Variants in WDR72 observed in about 807,000 individuals in gnomAD.
The protein encoded by WDR72 is WD repeat-containing protein 72.
Under a neutral mutation model 124.2 loss-of-function variants are expected in WDR72, and 120 were observed. The observed-to-expected ratio is 0.97, with a 90% CI of 0.83 to 1.12. WDR72 has a LOEUF of 1.12. WDR72 is among the 50% of genes most tolerant of loss of function. The probability of loss-of-function intolerance (pLI) is 0.00; values close to 1 mark genes in which losing one functional copy is unlikely to be tolerated. For synonymous variants in WDR72, 452 were observed against 441.7 expected, an observed-to-expected ratio of 1.02 and a Z score of -0.29; for missense variants, 1,387 against 1,278.8, an observed-to-expected ratio of 1.08 and a Z score of -1.29.
intron 18 of WDR72, among the ~76,000 whole-genome samples, chr15:53,582,237 C>T (rs940256381): frequency 6.6e-6 from 1 of 151,938 alleles, no homozygotes; most frequent in African/African-American, 2.4e-5. Flanking sequence ...CAGAAAGAGA[C>T]AACTCGGCTA....
intron 18 of WDR72, among the ~76,000 whole-genome samples, chr15:53,580,052 T>C (rs1291356008): frequency 2.6e-5 from 4 of 152,060 alleles, no homozygotes; most frequent in African/African-American, 4.8e-5. Context: ...GGTGATTAAC[T>C]ATCAGAAATT....
At chr15:53,743,970 T>A (rs2018577367) in intron 1 of WDR72, among the ~76,000 whole-genome samples, 1 of 108,552 alleles carries the variant, frequency 9.2e-6, no homozygotes, top group South Asian at 3.3e-4. Flanking sequence ...GCGAGACTCG[T>A]CTCAAAAAAA....
chr15:53,541,309 C>A (rs1422352693), intron 18 of WDR72, among the ~76,000 whole-genome samples: 1 of 152,176 alleles, frequency 6.6e-6, no homozygotes. Flanking sequence ...AACGGGCAGA[C>A]TGCCTCCTCA....
chr15:53,642,348 T>C (rs563906069), intron 14 of WDR72, among the ~76,000 whole-genome samples: 4 of 151,846 alleles, frequency 2.6e-5, no homozygotes, highest in East Asian at 1.9e-4. Flanking sequence ...TACTGAAAGA[T>C]GTCTGCCAAA....
chr15:53,723,417 C>A (rs79935407), intron 2 of WDR72, among the ~76,000 whole-genome samples: 338 of 152,246 alleles, frequency 2.2e-3, no homozygotes, highest in African/African-American at 7.8e-3. Flanking sequence ...AGAACTTACA[C>A]ATGGTTCAGG....
intron 13 of WDR72, among the ~76,000 whole-genome samples, chr15:53,679,824 T>A (rs1185684338): frequency 2.0e-5 from 3 of 152,098 alleles, no homozygotes; most frequent in African/African-American, 7.2e-5. Flanking sequence ...CCATAGGAAT[T>A]TAGAATTCAT....
upstream of WDR72, among the ~76,000 whole-genome samples, chr15:53,760,494 GTTGCAAATGACAGAATCTCT>G: frequency 6.6e-6 from 1 of 152,260 alleles, no homozygotes; most frequent in South Asian, 2.1e-4. Flanking sequence ...CATCCATGTT[GTTGCAAATGACAGAATCTCT>G]TTCTTTATAT....
chr15:53,564,936 A>G (rs762863819), intron 18 of WDR72, among the ~76,000 whole-genome samples: 2 of 151,870 alleles, frequency 1.3e-5, no homozygotes, highest in Non-Finnish European at 2.9e-5. Context: ...GAGCTCTGAT[A>G]TATACCTTTC....
intron 18 of WDR72, among the ~76,000 whole-genome samples, chr15:53,581,152 C>A (rs185569546): frequency 9.2e-5 from 14 of 151,868 alleles, no homozygotes; most frequent in Non-Finnish European, 1.9e-4. Context: ...GATTAGAGAG[C>A]GAGAGTGTGT....
chr15:53,683,255 T>C (rs950601620), intron 13 of WDR72, among the ~76,000 whole-genome samples: 3 of 152,090 alleles, frequency 2.0e-5, no homozygotes, highest in African/African-American at 7.2e-5. Context: ...TTAGAAGGCG[T>C]AAGTTCTGAT....
chr15:53,555,242 G>A (rs977875633), intron 18 of WDR72, among the ~76,000 whole-genome samples: 3 of 151,654 alleles, frequency 2.0e-5, no homozygotes, highest in Admixed American at 6.6e-5. Flanking sequence ...TGTAAGTGCG[G>A]GAAGGGTAAG....
chr15:53,627,362 T>C (rs888848031), intron 14 of WDR72, among the ~76,000 whole-genome samples: 1 of 152,208 alleles, frequency 6.6e-6, no homozygotes, highest in African/African-American at 2.4e-5. Context: ...AATTAGTACG[T>C]AAACACTCCT....
At chr15:53,545,533 A>G (rs1426541483) in intron 18 of WDR72, among the ~76,000 whole-genome samples, 6 of 151,958 alleles carry the variant, frequency 3.9e-5, no homozygotes, top group Non-Finnish European at 8.8e-5. Context: ...TAAAGACTTA[A>G]ACGTTAGACC....
At chr15:53,702,901 C>CT (rs1567037529) in intron 11 of WDR72, among the ~76,000 whole-genome samples, 1 of 117,626 alleles carries the variant, frequency 8.5e-6, no homozygotes, top group Non-Finnish European at 1.7e-5. Flanking sequence ...TATTTTCATT[C>CT]ATTTTTTTTT....
intron 14 of WDR72, among the ~76,000 whole-genome samples, chr15:53,643,877 A>T (rs922357367): frequency 1.3e-5 from 2 of 152,136 alleles, no homozygotes; most frequent in Non-Finnish European, 2.9e-5. Context: ...AATATCATCT[A>T]ATTTAATTTT....
intron 18 of WDR72, among the ~76,000 whole-genome samples, chr15:53,568,182 A>C (rs1425442972): frequency 2.6e-5 from 4 of 151,478 alleles, no homozygotes; most frequent in Non-Finnish European, 5.9e-5. Context: ...TCAAATACAA[A>C]ATAATTTTTT....
chr15:53,717,750 C>T (rs1450057774), intron 3 of WDR72, among the ~76,000 whole-genome samples: 1 of 152,100 alleles, frequency 6.6e-6, no homozygotes, highest in African/African-American at 2.4e-5. Context: ...TTATCTGTTC[C>T]TAAATGCCAT....
chr15:53,560,254 C>A (rs992767552), intron 18 of WDR72, among the ~76,000 whole-genome samples: 2 of 151,776 alleles, frequency 1.3e-5, no homozygotes, highest in African/African-American at 4.8e-5. Context: ...TTTATTATGG[C>A]CCAGATTGAG....
chr15:53,613,611 T>A, intron 16 of WDR72, 55 bp downstream of exon 16: 1 of 1,109,872 alleles, frequency 9.0e-7, no homozygotes. Context: ...AGACTAGTTA[T>A]GTCCTTTCAC....
Sources: allele counts gnomAD v4.1 joint callset (sites outside exome capture counted in the v4.1 genomes callset), GRCh38; gene constraint gnomAD v4.1.1; transcripts MANE v1.5; gene names NCBI Gene and HGNC (gene_info 2026-07-23, HGNC 2026-07-21).